The following DLGAP3 variants were observed in gnomAD, a reference collection of about 807,000 sequenced individuals.
DLGAP3 encodes DLG associated protein 3.
DLGAP3 carries 17 observed loss-of-function variants against 81.2 expected under a neutral mutation model. The observed-to-expected ratio is 0.21, with a 90% CI of 0.14 to 0.31. The LOEUF (loss-of-function observed/expected upper bound fraction) is 0.31. Ranked by LOEUF, DLGAP3 falls within the 10% of genes least tolerant of loss-of-function variation. The pLI is 1.00. For missense variants in DLGAP3, 1,124 were observed against 1,388.0 expected, an observed-to-expected ratio of 0.81 and a Z score of 3.02; for synonymous variants, 577 against 587.4, an observed-to-expected ratio of 0.98 and a Z score of 0.26.
chr1:34,888,624 A>C (rs1319621066), intron 5 of DLGAP3, among the ~76,000 whole-genome samples: 1 of 152,220 alleles, frequency 6.6e-6, no homozygotes, highest in Non-Finnish European at 1.5e-5. Flanking sequence ...CTTTTTCTAA[A>C]GGAGCTTCAT....
At position 34,866,281 on chromosome 1, in the gene DLGAP3, C is replaced by A. The variant is rs751040025; in HGVS notation, c.2742G>T (p.Pro914=). The change falls in exon 12 of 12, where the codon CCG becomes CCT. Residue 914 remains proline, a synonymous_variant. Transcript: ENST00000373347. ...LEPKEEKKVP[P]PIPKKPLRGR... is the part of the protein sequence containing the mutation. ...CCCGCAGGGGCTTCTTTGGTATCGG[C>A]GGAGGGACCTTCTTCTCCTCCTGCG... The A allele has an allele frequency of 4.6e-6, 7 of 1,534,626 alleles. No homozygotes were observed. In the Admixed American group the frequency reaches 9.8e-5, roughly 22 times the overall value.
chr1:34,882,407 G>A (rs191314623), intron 8 of DLGAP3, among the ~76,000 whole-genome samples: 9 of 152,246 alleles, frequency 5.9e-5, no homozygotes, highest in Admixed American at 2.0e-4. Flanking sequence ...GAACCCGGGA[G>A]GCAGAGGTTG....
At chr1:34,869,551 G>A (rs1264930098) in intron 8 of DLGAP3, among the ~76,000 whole-genome samples, 6 of 145,510 alleles carry the variant, frequency 4.1e-5, no homozygotes, top group Non-Finnish European at 7.4e-5. Context: ...GTGCAATGGC[G>A]CGATCTCGGC....
chr1:34,869,145 C>T, intron 8 of DLGAP3, 56 bp from the exon 9 acceptor site: 1 of 1,327,906 alleles, frequency 7.5e-7, no homozygotes, highest in Non-Finnish European at 1.0e-6. Context: ...CAGCTCTCAC[C>T]CCCACCCCAA....
rs544344625 is a variant in DLGAP3 at position 34,900,133 on chromosome 1, A to G, written c.1248T>C (p.Ser416=). The G allele has an allele frequency of 1.2e-6, 2 of 1,613,886 alleles. No homozygotes were observed. The highest frequency in any genetic ancestry group is 4.5e-5 in the East Asian group (2 of 44,868). ...TGAAGCGTCGGGCGACTGCTTTGGG[A>G]GATGTCTTGGGGCTGCCGTCTGAGT... The part of the protein sequence containing the change: ...SGDSDGSPKT[S]PKAVARRFTT... The change falls in exon 4 of 12, where the codon TCT becomes TCC. Residue 416 remains serine, a synonymous_variant. Transcript: ENST00000373347. This position sits in a 1 kb window ranked among gnomAD's most constrained non-coding sequence, Gnocchi z 5.6.
In DLGAP3 at chr1:34,900,102, G is replaced by A. The variant is rs369579388; in HGVS notation, c.1279C>T (p.Arg427Cys). 1.4e-5 allele frequency: 22 copies of A among 1,613,806 alleles called. No homozygotes were observed. Among genetic ancestry groups the A allele is most frequent in the African/African-American group, 2.7e-5 (2 of 75,042 alleles). The change falls in exon 4 of 12, where the codon CGT becomes TGT. Residue 427 changes from arginine (R) to cysteine (C), a missense_variant. Transcript: ENST00000373347. This position sits in a 1 kb window ranked among gnomAD's most constrained non-coding sequence, Gnocchi z 5.6. ...GCCTGGTCCACGCTGGAGGAGCGACGGGTGGTGAAGCGTCGGGCGACTGCT... is the reference window on the plus strand; with the variant it reads ...GCCTGGTCCACGCTGGAGGAGCGACAGGTGGTGAAGCGTCGGGCGACTGCT... ...PKAVARRFTT[R>C]RSSSVDQARI...
At position 34,912,126 on chromosome 1, in the gene DLGAP3, G is replaced by A. The variant is rs139736195; in HGVS notation, c.-134-4689C>T. Among the ~76,000 whole-genome samples, 236 of 152,312 alleles carry A rather than the reference G, an allele frequency of 1.5e-3. 1 individual carries two copies. The highest frequency in any genetic ancestry group is 3.4e-3 in the Middle Eastern group (1 of 294). ...ATAATAAAGGTATGAATGATGTAAGGTTTAACAAGGTAAAGCATATAAATC... is the reference window on the plus strand; with the variant it reads ...ATAATAAAGGTATGAATGATGTAAGATTTAACAAGGTAAAGCATATAAATC... On this transcript the variant is annotated intron_variant, in intron 1 of 11. Transcript: ENST00000373347.
Position 34,918,945 on chromosome 1 carries a change from C to T in DLGAP3, c.-135+10506G>A, listed in dbSNP as rs376629448. On this transcript the variant is annotated intron_variant, in intron 1 of 11. Coordinates refer to ENST00000373347, the MANE Select transcript of DLGAP3 (RefSeq NM_001080418.3). ...CCACCCGCAGGACCCTGAAGAGCCC[C>T]TCCCATCCTCGTGTCTGCTGTGATG... Among the ~76,000 whole-genome samples, 14 of 152,324 alleles carry T rather than the reference C, an allele frequency of 9.2e-5. No homozygotes were observed. The East Asian group carries it at 2.5e-3, about 27-fold the overall frequency.
At chr1:34,911,022 A>AACCCCCCCC (rs1639630935) in intron 1 of DLGAP3, among the ~76,000 whole-genome samples, 3 of 131,952 alleles carry the variant, frequency 2.3e-5, no homozygotes, top group Admixed American at 8.1e-5. Context: ...GATATTATCC[A>AACCCCCCCC]CCCCCCCCCC....
chr1:34,869,660 G>A (rs1023707573), intron 8 of DLGAP3, among the ~76,000 whole-genome samples: 4 of 152,020 alleles, frequency 2.6e-5, no homozygotes, highest in African/African-American at 7.3e-5. Context: ...CTTTTTGGAA[G>A]AGACAGGGTT....
In DLGAP3 at chr1:34,878,470, TAGTA is replaced by T. The variant is rs369242669; in HGVS notation, c.2000+6504_2000+6507del. On this transcript the variant is annotated intron_variant, in intron 8 of 11. Transcript: ENST00000373347. ...AAAAAGACTTCAAGGCAAAAGCCATTAGTAAGGATGAAAAGCAGCCTATTTAATA... is the reference window on the plus strand; with the variant it reads ...AAAAAGACTTCAAGGCAAAAGCCATTAGGATGAAAAGCAGCCTATTTAATA... Among the ~76,000 whole-genome samples the T allele has an allele frequency of 2.0e-4, 30 of 151,176 alleles. No homozygotes were observed. The East Asian group carries it at 5.2e-3, about 26-fold the overall frequency.
In DLGAP3 at chr1:34,868,915, G is replaced by A. The variant is rs867259009; in HGVS notation, c.2175C>T (p.Tyr725=). 3 of 1,608,282 alleles carry A rather than the reference G, an allele frequency of 1.9e-6. No individual in the cohort carries two copies. Among genetic ancestry groups the A allele is most frequent in the Non-Finnish European group, 2.5e-6 (3 of 1,179,762 alleles). ...GCGTGTGGACCGTGCGGAAGACTGAGTAGGTGGGGGCCCGGGGCCCAGGCT... is the reference window on the plus strand; with the variant it reads ...GCGTGTGGACCGTGCGGAAGACTGAATAGGTGGGGGCCCGGGGCCCAGGCT... ...EPQPGPRAPT[Y]SVFRTVHTQG... is the part of the protein sequence containing the mutation. Residue 725 remains tyrosine, a synonymous_variant, in exon 9 of 12, where the codon TAC becomes TAT. Coordinates refer to ENST00000373347, the MANE Select transcript of DLGAP3 (RefSeq NM_001080418.3). The surrounding 1 kb of genome is among the most constrained non-coding windows in gnomAD (Gnocchi z 7.5).
chr1:34,889,914 A>G (rs1277720892), intron 5 of DLGAP3, among the ~76,000 whole-genome samples: 2 of 152,194 alleles, frequency 1.3e-5, no homozygotes, highest in African/African-American at 4.8e-5. Context: ...CGTTTTGGTA[A>G]AGGCTTAGGT....
chr1:34,885,710 C>A lies in DLGAP3; in HGVS notation c.1682G>T (p.Ser561Ile). 5 of 1,419,224 alleles carry A rather than the reference C, an allele frequency of 3.5e-6. No individual in the cohort carries two copies. Among genetic ancestry groups the A allele is most frequent in the Non-Finnish European group, 4.6e-6 (5 of 1,095,586 alleles). The allele number at this position is 1,419,224 out of a possible 1,614,324, so 87.9% of individuals were successfully genotyped here. A position where few individuals can be genotyped will look rare whatever the true frequency, so the allele number is the denominator to read the frequency against. The change falls in exon 7 of 12, where the codon AGC becomes ATC. Residue 561 changes from serine (S) to isoleucine (I), a missense_variant. By Grantham distance (142) the Ser-to-Ile change is moderately radical. Transcript: ENST00000373347. ...PPRISITAQSSTDSAHESFTA... is the reference protein window; with the variant it reads ...PPRISITAQSITDSAHESFTA... The stretch of plus-strand genomic sequence containing the variant: ...GAAGCTCTCGTGCGCGGAGTCGGTG[C>A]TGCTCTGGGCGGTGATGGAGATGCG...
chr1:34,869,382 A>G (rs1377563982), intron 8 of DLGAP3, among the ~76,000 whole-genome samples: 1 of 152,112 alleles, frequency 6.6e-6, no homozygotes, highest in African/African-American at 2.4e-5. Flanking sequence ...AAAATGCTGC[A>G]GCAGTGCCCT....
chr1:34,866,961 C>T (rs1384219479), intron 11 of DLGAP3, 87 bp downstream of exon 11: 2 of 1,485,534 alleles, frequency 1.3e-6, no homozygotes, highest in Non-Finnish European at 1.9e-6. Context: ...CCTTCCCCTG[C>T]CCCCTTGTTC....
At chr1:34,918,196 A>T (rs1318719972) in intron 1 of DLGAP3, among the ~76,000 whole-genome samples, 1 of 152,190 alleles carries the variant, frequency 6.6e-6, no homozygotes, top group Non-Finnish European at 1.5e-5. Context: ...TGTGGAAATG[A>T]AGCAGCTTGG....
At chr1:34,928,598 C>G (rs1000681219) in intron 1 of DLGAP3, among the ~76,000 whole-genome samples, 8 of 152,164 alleles carry the variant, frequency 5.3e-5, no homozygotes, top group African/African-American at 1.9e-4. Context: ...TCGGAAAAGT[C>G]TCATCTCCCT....
intron 1 of DLGAP3, among the ~76,000 whole-genome samples, chr1:34,924,218 A>G (rs1408036597): frequency 6.6e-6 from 1 of 152,182 alleles, no homozygotes; most frequent in African/African-American, 2.4e-5. Context: ...CAAGAGAACT[A>G]AAGACTGAAA....
Sources: allele counts gnomAD v4.1 joint callset (sites outside exome capture counted in the v4.1 genomes callset), GRCh38; gene constraint gnomAD v4.1.1; non-coding constraint Gnocchi (gnomAD v3.1); transcripts MANE v1.5; gene names NCBI Gene and HGNC (gene_info 2026-07-23, HGNC 2026-07-21).